IPO7: variants seen among roughly 807,000 people sequenced by gnomAD.
IPO7 encodes importin 7, also known as importin-7.
IPO7 carries 13 observed loss-of-function variants against 136.4 expected under a neutral mutation model. The ratio of observed to expected loss-of-function variants is 0.10; its 90% CI spans 0.06 to 0.15. The LOEUF is 0.15. Among genes scored for constraint, IPO7 ranks in the 10% least tolerant of loss-of-function variants. IPO7 has a pLI of 1.00. For synonymous variants in IPO7, 403 were observed against 404.4 expected, an observed-to-expected ratio of 1.00 and a Z score of 0.04; for missense variants, 857 against 1,240.6, an observed-to-expected ratio of 0.69 and a Z score of 4.65.
chr11:9,433,736 T>G lies in IPO7; in HGVS notation c.1964T>G (p.Ile655Ser). ...QQHVLEFYEEIFSLAHSLTCQ... is the reference protein window; with the variant it reads ...QQHVLEFYEESFSLAHSLTCQ... ...TCTCTTTTAGAATTCTATGAGGAGA[T>G]CTTCTCTTTAGCGCACAGTTTGACA... The change falls in exon 18 of 25, where the codon ATC becomes AGC. Residue 655 changes from isoleucine to serine, a missense_variant. Physicochemically the swap from Ile to Ser is moderately radical, Grantham distance 142. This residue lies in a region of IPO7 where 190 missense variants were observed against 249.0 expected (regional missense o/e 0.76). Transcript: ENST00000379719. The G allele has an allele frequency of 6.2e-7, 1 of 1,612,648 alleles. No homozygotes were observed. The highest frequency in any genetic ancestry group is 8.5e-7 in the Non-Finnish European group (1 of 1,179,958).
At chr11:9,443,877 G>A (rs1461188071) in intron 24 of IPO7, among the ~76,000 whole-genome samples, 1 of 152,028 alleles carries the variant, frequency 6.6e-6, no homozygotes, top group East Asian at 1.9e-4. Context: ...TCTAGCCTGG[G>A]TGCCAGAGTG....
At chr11:9,418,658 A>G (rs1855077813) in intron 6 of IPO7, among the ~76,000 whole-genome samples, 1 of 152,186 alleles carries the variant, frequency 6.6e-6, no homozygotes, top group Non-Finnish European at 1.5e-5. Flanking sequence ...ATAAAATATA[A>G]CTTTTAAAGT....
At chr11:9,421,670 C>T (rs1380625396) in intron 8 of IPO7, among the ~76,000 whole-genome samples, 14 of 136,754 alleles carry the variant, frequency 1.0e-4, no homozygotes, top group Non-Finnish European at 2.0e-4. Flanking sequence ...TAAGGCTGGG[C>T]GCAGTTGCTC....
Position 9,423,301 on chromosome 11 carries a change from A to G in IPO7, c.1041+161A>G, listed in dbSNP as rs376709938. 7.9e-5 allele frequency among the ~76,000 whole-genome samples: 12 copies of G among 152,140 alleles called. No individual in the cohort carries two copies. The South Asian group carries it at 2.1e-3, about 26-fold the overall frequency. On this transcript the variant is annotated intron_variant, in intron 9 of 24. Coordinates refer to ENST00000379719, the MANE Select transcript of IPO7 (RefSeq NM_006391.3). ...CAGAAAAAGGAGATAAGACAGTGACATAAAGTTATGAGAGGTATCTTGTGA... is the reference window on the plus strand; with the variant it reads ...CAGAAAAAGGAGATAAGACAGTGACGTAAAGTTATGAGAGGTATCTTGTGA...
chr11:9,438,365 G>A (rs149988366), intron 22 of IPO7, 80 bp downstream of exon 22: 5 of 875,334 alleles, frequency 5.7e-6, no homozygotes, highest in South Asian at 1.4e-5. Context: ...AGTGGCTCAG[G>A]CCTGTAATCC....
intron 22 of IPO7, 51 bp downstream of exon 22, chr11:9,438,336 AC>A: frequency 8.4e-7 from 1 of 1,193,822 alleles, no homozygotes; most frequent in Non-Finnish European, 1.2e-6. Context: ...TAGAAATATT[AC>A]CGCACTGGGC....
chr11:9,414,145 A>G, intron 4 of IPO7, 110 bp from the exon 5 acceptor site: 1 of 758,216 alleles, frequency 1.3e-6, no homozygotes, highest in South Asian at 2.6e-5. Flanking sequence ...CTTTTTCTAA[A>G]TTGGTTAAGA....
In IPO7 at chr11:9,412,364, G is replaced by A. The variant is rs113253974; in HGVS notation, c.480-1891G>A. Among the ~76,000 whole-genome samples the A allele has an allele frequency of 2.7e-3, 404 of 152,240 alleles. 2 individuals carry two copies. Among genetic ancestry groups the A allele is most frequent in the African/African-American group, 9.2e-3 (384 of 41,548 alleles). Reference sequence around the variant, plus strand: ...TATATTTTCTCTCTTAAGGAAGAGGGATACCAATAAATACAACTGGGATGT... The same window carrying A: ...TATATTTTCTCTCTTAAGGAAGAGGAATACCAATAAATACAACTGGGATGT... On this transcript the variant is annotated intron_variant, in intron 4 of 24. Coordinates refer to ENST00000379719, the MANE Select transcript of IPO7 (RefSeq NM_006391.3).
At chr11:9,392,260 C>G (rs1322053798) in intron 1 of IPO7, 2 of 325,876 alleles carry the variant, frequency 6.1e-6, no homozygotes, top group Non-Finnish European at 1.2e-5. Flanking sequence ...TCGCCACAAC[C>G]TCCGCCTCCC....
chr11:9,409,704 T>A (rs1476093458), intron 3 of IPO7, among the ~76,000 whole-genome samples: 1 of 152,200 alleles, frequency 6.6e-6, no homozygotes, highest in Non-Finnish European at 1.5e-5. Context: ...ATGAAACTTG[T>A]TTATTGATGA....
Position 9,417,098 on chromosome 11 carries a change from A to G in IPO7, c.676A>G (p.Thr226Ala). The G allele has an allele frequency of 6.4e-7, 1 of 1,570,544 alleles. No homozygotes were observed. Among genetic ancestry groups the G allele is most frequent in the African/African-American group, 1.3e-5 (1 of 74,142 alleles). The change falls in exon 6 of 25, where the codon ACA (threonine) becomes GCA (alanine). Residue 226 changes from threonine (T) to alanine (A), a missense_variant. Physicochemically the swap from Thr to Ala is moderately conservative, Grantham distance 58. Around this residue, in one of 11 missense-constraint regions of IPO7, gnomAD observed 287 missense variants for 307.5 expected, o/e 0.93. Transcript: ENST00000379719. ...GGAACTGATAAACCAACAGAACCTG[A>G]CAGAATGGATAGAAATTTTAAAGAC... ...PLELINQQNL[T>A]EWIEILKTVV...
intron 24 of IPO7, 44 bp from the exon 25 acceptor site, chr11:9,445,053 A>G: frequency 2.6e-6 from 3 of 1,166,750 alleles, no homozygotes; most frequent in Non-Finnish European, 3.9e-6. Flanking sequence ...TCACCAAGTT[A>G]GTAGATGATT....
chr11:9,430,837 T>C (rs762177219), intron 15 of IPO7, 38 bp from the exon 16 acceptor site: 1 of 1,594,154 alleles, frequency 6.3e-7, no homozygotes, highest in South Asian at 1.1e-5. Context: ...TTTATAATGC[T>C]TCAGTGACAA....
At chr11:9,439,525 A>G (rs972957901) in intron 22 of IPO7, among the ~76,000 whole-genome samples, 4 of 152,126 alleles carry the variant, frequency 2.6e-5, no homozygotes, top group African/African-American at 9.7e-5. Context: ...ACAAAGGTAC[A>G]CATATCATTA....
At position 9,386,681 on chromosome 11, in the gene IPO7, A is replaced by G. The variant is rs531841924; in HGVS notation, c.84+1834A>G. Among the ~76,000 whole-genome samples the G allele has an allele frequency of 6.6e-5, 10 of 152,322 alleles. No homozygotes were observed. The South Asian group carries it at 2.1e-3, about 32-fold the overall frequency. ...CTCAAATAGACATTACATGTCTAGTATATGCACTAACATCTTGTAGTAGAA... is the reference window on the plus strand; with the variant it reads ...CTCAAATAGACATTACATGTCTAGTGTATGCACTAACATCTTGTAGTAGAA... On this transcript the variant is annotated intron_variant, in intron 1 of 24. Transcript: ENST00000379719.
intron 24 of IPO7, among the ~76,000 whole-genome samples, chr11:9,442,894 A>G (rs1271681104): frequency 2.0e-5 from 3 of 152,094 alleles, no homozygotes; most frequent in African/African-American, 4.8e-5. Context: ...ATGGTGGCAC[A>G]TGCCTATATT....
chr11:9,429,351 T>A (rs948451741), intron 14 of IPO7, among the ~76,000 whole-genome samples, 155 bp downstream of exon 14: 8 of 151,752 alleles, frequency 5.3e-5, no homozygotes, highest in African/African-American at 1.7e-4. Flanking sequence ...AAAAAATTTT[T>A]AAAAATTAAC....
At chr11:9,428,965 A>G (rs964669030) in intron 13 of IPO7, 66 bp from the exon 14 acceptor site, 7 of 1,382,952 alleles carry the variant, frequency 5.1e-6, no homozygotes, top group Non-Finnish European at 7.2e-6. Flanking sequence ...AACTCAGGGA[A>G]TAGAGATTAG....
At chr11:9,404,158 A>G (rs940930365) in intron 2 of IPO7, among the ~76,000 whole-genome samples, 2 of 152,134 alleles carry the variant, frequency 1.3e-5, no homozygotes, top group African/African-American at 4.8e-5. Context: ...TTCCCCCTGC[A>G]CCTATTTTGT....
Sources: allele counts gnomAD v4.1 joint callset (sites outside exome capture counted in the v4.1 genomes callset), GRCh38; gene constraint gnomAD v4.1.1; regional missense constraint gnomAD v4.1.1; transcripts MANE v1.5; gene names NCBI Gene and HGNC (gene_info 2026-07-23, HGNC 2026-07-21).